GPATCH8: variants seen among roughly 807,000 people sequenced by gnomAD.
GPATCH8 encodes G-patch domain containing 8, also known as G patch domain-containing protein 8.
Under a neutral mutation model 118.3 loss-of-function variants are expected in GPATCH8, and 18 were observed. The observed-to-expected ratio is 0.15, with a 90% CI of 0.11 to 0.23. The LOEUF is 0.23. Among genes scored for constraint, GPATCH8 ranks in the 10% least tolerant of loss-of-function variants. The probability of loss-of-function intolerance (pLI) is 1.00; values close to 1 mark genes in which losing one functional copy is unlikely to be tolerated. For missense variants in GPATCH8, 1,631 were observed against 1,873.8 expected, an observed-to-expected ratio of 0.87 and a Z score of 2.39; for synonymous variants, 659 against 684.7, an observed-to-expected ratio of 0.96 and a Z score of 0.59.
At chr17:44,487,314 C>A (rs1373227889) in intron 1 of GPATCH8, among the ~76,000 whole-genome samples, 1 of 152,140 alleles carries the variant, frequency 6.6e-6, no homozygotes, top group Non-Finnish European at 1.5e-5. Context: ...AAGGTTCTTC[C>A]ATGTCTTTTC....
chr17:44,429,029 T>C (rs9911487), intron 5 of GPATCH8, among the ~76,000 whole-genome samples: 81,577 of 151,568 alleles, frequency 0.54, 22,609 homozygotes, highest in Middle Eastern at 0.63. Context: ...TAGTCCCAGC[T>C]ACTCGGGAGG....
Position 44,396,595 on chromosome 17 carries a change from C to T in GPATCH8, c.*973G>A, listed in dbSNP as rs374419419. 2.3e-6 allele frequency: 1 copy of T among 441,956 alleles called. No homozygotes were observed. Among genetic ancestry groups the T allele is most frequent in the African/African-American group, 2.0e-5 (1 of 48,938 alleles). The allele number at this position is 441,956 out of a possible 1,614,324, so 27.4% of individuals were successfully genotyped here. On this transcript the variant is annotated 3_prime_UTR_variant, in exon 8 of 8. Transcript: ENST00000591680. ...TTTATTTTTTGTTTTCATTTTATAA[C>T]CTTTAGAGTTTCTTAATTCAACTAG...
chr17:44,494,435 T>C (rs959083081), intron 1 of GPATCH8, among the ~76,000 whole-genome samples: 3 of 152,002 alleles, frequency 2.0e-5, no homozygotes, highest in African/African-American at 2.4e-5. Context: ...CTATTAAAAA[T>C]ACAAAAATTA....
In GPATCH8 at chr17:44,398,619, G is replaced by A. The variant is rs542729794; in HGVS notation, c.3458C>T (p.Ala1153Val). ...PVLPLIGKLP[A>V]TRKPNKKCEE... The stretch of plus-strand genomic sequence containing the variant: ...ACACTTCTTATTGGGCTTTCGGGTA[G>A]CTGGGAGCTTCCCTATCAGTGGAAG... The change falls in exon 8 of 8, where the codon GCT (alanine) becomes GTT (valine). Residue 1153 changes from alanine (A) to valine (V), a missense_variant. By Grantham distance (64) the Ala-to-Val change is moderately conservative. Around this residue, in one of 8 missense-constraint regions of GPATCH8, gnomAD observed 922 missense variants for 879.7 expected, o/e 1.05. Coordinates refer to ENST00000591680, the MANE Select transcript of GPATCH8 (RefSeq NM_001002909.4). 20 of 1,544,702 alleles carry A rather than the reference G, an allele frequency of 1.3e-5. 1 individual carries two copies. The South Asian group carries it at 2.3e-4, about 18-fold the overall frequency.
chr17:44,421,137 G>A (rs1486024264), intron 6 of GPATCH8, among the ~76,000 whole-genome samples: 1 of 152,004 alleles, frequency 6.6e-6, no homozygotes, highest in African/African-American at 2.4e-5. Context: ...TACTGTGTGA[G>A]CCACCACACC....
intron 3 of GPATCH8, among the ~76,000 whole-genome samples, chr17:44,439,695 T>TA (rs1256158193): frequency 1.3e-5 from 2 of 152,102 alleles, no homozygotes; most frequent in African/African-American, 4.8e-5. Flanking sequence ...GAACATCACT[T>TA]ACAATATCTG....
Position 44,401,108 on chromosome 17 carries a change from C to T in GPATCH8, c.969G>A (p.Ala323=), listed in dbSNP as rs371492945. ...ESIASVFKDH[A]EEGTSEDGTK... Reference sequence around the variant, plus strand: ...TTCCATCTTCAGAGGTCCCTTCCTCCGCATGGTCCTTGAAAACTGATGCTA... The same window carrying T: ...TTCCATCTTCAGAGGTCCCTTCCTCTGCATGGTCCTTGAAAACTGATGCTA... The change falls in exon 8 of 8, where the codon GCG becomes GCA. Residue 323 remains alanine (A), a synonymous_variant. Transcript: ENST00000591680. The T allele has an allele frequency of 2.6e-5, 42 of 1,613,984 alleles. No individual in the cohort carries two copies. Among genetic ancestry groups the T allele is most frequent in the East Asian group, 6.7e-5 (3 of 44,898 alleles).
chr17:44,438,125 A>G (rs575590618), intron 3 of GPATCH8, among the ~76,000 whole-genome samples: 1 of 152,292 alleles, frequency 6.6e-6, no homozygotes, highest in African/African-American at 2.4e-5. Context: ...TATAAAAATG[A>G]CTTCCTAGGT....
Position 44,414,058 on chromosome 17 carries a change from C to CATAT in GPATCH8, c.493-8011_493-8008dup, listed in dbSNP as rs3065774. Among the ~76,000 whole-genome samples the CATAT allele has an allele frequency of 8.6e-3, 1,192 of 138,412 alleles. 18 individuals are homozygous for CATAT. The highest frequency in any genetic ancestry group is 0.024 in the African/African-American group (898 of 37,472). 90.8% of individuals were successfully genotyped at this position (138,412 alleles called of 152,430 possible). On this transcript the variant is annotated intron_variant, in intron 6 of 7. Transcript: ENST00000591680. ...AGCACCAAGTATGCCTGCTTTAAGGCATATATATATATATATATATATGTG... is the reference window on the plus strand; with the variant it reads ...AGCACCAAGTATGCCTGCTTTAAGGCATATATATATATATATATATATATATGTG...
intron 3 of GPATCH8, among the ~76,000 whole-genome samples, chr17:44,444,336 T>C (rs570786383): frequency 1.3e-5 from 2 of 151,924 alleles, no homozygotes; most frequent in African/African-American, 2.4e-5. Flanking sequence ...TCACTAAAGA[T>C]TGCCTCAAGC....
intron 4 of GPATCH8, 91 bp from the exon 5 acceptor site, chr17:44,435,242 T>A: frequency 2.8e-6 from 2 of 718,212 alleles, no homozygotes; most frequent in Admixed American, 2.1e-5. Context: ...CAGTATTATC[T>A]GAAAACAAAA....
intron 6 of GPATCH8, among the ~76,000 whole-genome samples, chr17:44,414,380 C>T (rs986550885): frequency 2.0e-5 from 3 of 151,896 alleles, no homozygotes; most frequent in African/African-American, 4.8e-5. Context: ...AATCAGAGCT[C>T]ACTGCAGCCT....
Position 44,399,344 on chromosome 17 carries a change from T to A in GPATCH8, c.2733A>T (p.Ser911=), listed in dbSNP as rs751627995. 10 of 1,614,034 alleles carry A rather than the reference T, an allele frequency of 6.2e-6. No homozygotes were observed. The highest frequency in any genetic ancestry group is 8.5e-6 in the Non-Finnish European group (10 of 1,179,966). The change falls in exon 8 of 8, where the codon TCA becomes TCT. Residue 911 remains serine, a synonymous_variant. Coordinates refer to ENST00000591680, the MANE Select transcript of GPATCH8 (RefSeq NM_001002909.4). Reference sequence around the variant, plus strand: ...TGGAGCTGGCATAGTCTGAGTCATCTGAGTCATGGGAGCGCTTGGAGTGCC... The same window carrying A: ...TGGAGCTGGCATAGTCTGAGTCATCAGAGTCATGGGAGCGCTTGGAGTGCC... The part of the protein sequence containing the change: ...SRRHSKRSHD[S]DDSDYASSKH...
At chr17:44,450,440 T>C (rs753937281) in intron 3 of GPATCH8, among the ~76,000 whole-genome samples, 3 of 152,126 alleles carry the variant, frequency 2.0e-5, no homozygotes, top group Non-Finnish European at 4.4e-5. Flanking sequence ...GGGCCCCAAC[T>C]CCTACTTCAG....
In GPATCH8 at chr17:44,448,503, A is replaced by G. The variant is rs971083110; in HGVS notation, c.194-11958T>C. On this transcript the variant is annotated intron_variant, in intron 3 of 7. Transcript: ENST00000591680. ...ATCACGTGAGCCAAAAAAAAAAAAAAGGGGGGGGGGGGAAGAAGGAGGAAG... is the reference window on the plus strand; with the variant it reads ...ATCACGTGAGCCAAAAAAAAAAAAAGGGGGGGGGGGGGAAGAAGGAGGAAG... 9.0e-3 allele frequency among the ~76,000 whole-genome samples: 575 copies of G among 63,690 alleles called. 2 individuals are homozygous for G. The highest frequency in any genetic ancestry group is 0.022 in the African/African-American group (305 of 13,894). The allele number at this position is 63,690 out of a possible 152,430, so 41.8% of individuals were successfully genotyped here. A position where few individuals can be genotyped will look rare whatever the true frequency, so the allele number is the denominator to read the frequency against.
intron 3 of GPATCH8, among the ~76,000 whole-genome samples, chr17:44,455,461 T>C (rs565069568): frequency 1.3e-5 from 2 of 151,732 alleles, no homozygotes; most frequent in African/African-American, 4.8e-5. Flanking sequence ...GATCGCGTCA[T>C]TGCACTACAG....
chr17:44,453,382 G>A (rs1010684754), intron 3 of GPATCH8, among the ~76,000 whole-genome samples: 4 of 152,046 alleles, frequency 2.6e-5, no homozygotes, highest in Non-Finnish European at 5.9e-5. Context: ...AATTCTCTCA[G>A]GGGCTTATTA....
At chr17:44,435,847 C>T (rs1443370269) in intron 4 of GPATCH8, among the ~76,000 whole-genome samples, 2 of 149,194 alleles carry the variant, frequency 1.3e-5, no homozygotes, top group Non-Finnish European at 3.0e-5. Context: ...TATGATGAAA[C>T]CCTGTTTCTA....
At chr17:44,426,263 G>A (rs2050085503) in intron 5 of GPATCH8, among the ~76,000 whole-genome samples, 1 of 152,190 alleles carries the variant, frequency 6.6e-6, no homozygotes, top group Non-Finnish European at 1.5e-5. Context: ...TACAAAGAAT[G>A]CACATAGAGA....
Sources: allele counts gnomAD v4.1 joint callset (sites outside exome capture counted in the v4.1 genomes callset), GRCh38; gene constraint gnomAD v4.1.1; regional missense constraint gnomAD v4.1.1; transcripts MANE v1.5; gene names NCBI Gene and HGNC (gene_info 2026-07-23, HGNC 2026-07-21).